Variants in AJAP1 observed in about 807,000 individuals in gnomAD.
AJAP1 encodes the protein adherens junctions associated protein 1, also known as adherens junction-associated protein 1.
A neutral mutation model predicts 35.0 loss-of-function variants in AJAP1; 5 were observed. The ratio of observed to expected loss-of-function variants is 0.14; its 90% confidence interval spans 0.07 to 0.30. The LOEUF (loss-of-function observed/expected upper bound fraction) is 0.30, where lower values mean the gene tolerates loss of function less well. AJAP1 is among the 10% of genes least tolerant of loss of function. The pLI is 1.00. For missense variants in AJAP1, 586 were observed against 571.0 expected (o/e 1.03, Z -0.27); for synonymous variants, 284 against 249.3 (o/e 1.14, Z -1.31).
In AJAP1 at chr1:4,782,624, G is replaced by A. The variant is rs1642087094; in HGVS notation, c.*139G>A. ...AAAACCTAAAACTGAGCTATCTAAG[G>A]GGGAGGGTCCCCGCACCTACCACTT... On this transcript the variant is annotated 3_prime_UTR_variant, in exon 6 of 6. Transcript: ENST00000378191. The surrounding 1 kb of genome is among the most constrained non-coding windows in gnomAD (Gnocchi z 5.3). 2.5e-6 allele frequency: 1 copy of A among 397,670 alleles called. No homozygotes were observed. Among genetic ancestry groups the A allele is most frequent in the African/African-American group, 2.1e-5 (1 of 48,628 alleles). 24.6% of individuals were successfully genotyped at this position (397,670 alleles called of 1,614,324 possible).
chr1:4,782,983 T>G lies in AJAP1; in HGVS notation c.*498T>G. On this transcript the variant is annotated 3_prime_UTR_variant, in exon 6 of 6. Coordinates refer to ENST00000378191, the MANE Select transcript of AJAP1 (RefSeq NM_018836.4). The surrounding 1 kb of genome is among the most constrained non-coding windows in gnomAD (Gnocchi z 5.3). ...TACAGAAAACAGGGGTGGGAATCTC[T>G]TCCGATAGAGTCGCTATTTCTGGTT... 1 of 396,324 alleles carries G rather than the reference T, an allele frequency of 2.5e-6. No homozygotes were observed. 24.6% of individuals were successfully genotyped at this position (396,324 alleles called of 1,614,324 possible).
At chr1:4,741,001 T>C (rs1641056060) in intron 2 of AJAP1, among the ~76,000 whole-genome samples, 1 of 152,038 alleles carries the variant, frequency 6.6e-6, no homozygotes, top group Non-Finnish European at 1.5e-5. Flanking sequence ...GCAGAGGAGC[T>C]GTCCGACTCT....
chr1:4,686,207 C>T (rs1256470290), intron 1 of AJAP1, among the ~76,000 whole-genome samples: 1 of 152,192 alleles, frequency 6.6e-6, no homozygotes, highest in Non-Finnish European at 1.5e-5. Flanking sequence ...CAAATAACCA[C>T]AACTGCGTTA....
At chr1:4,657,083 G>A (rs1252296964) in intron 1 of AJAP1, among the ~76,000 whole-genome samples, 2 of 152,176 alleles carry the variant, frequency 1.3e-5, no homozygotes, top group Non-Finnish European at 2.9e-5. Flanking sequence ...ATTCCTGATG[G>A]CAACTTATTT....
chr1:4,678,957 A>G (rs996440801), intron 1 of AJAP1, among the ~76,000 whole-genome samples: 3 of 152,234 alleles, frequency 2.0e-5, no homozygotes, highest in African/African-American at 7.2e-5. Flanking sequence ...CAGCTCAGAA[A>G]GACAATTCCC....
Position 4,789,605 on chromosome 1 carries a change from C to T in AJAP1, c.*7120C>T, listed in dbSNP as rs1478264485. Reference sequence around the variant, plus strand: ...GGCATAAGCAACTCACACTGGTTAGCTTTTGTCAGATTTCGTCGTTTCCGC... The same window carrying T: ...GGCATAAGCAACTCACACTGGTTAGTTTTTGTCAGATTTCGTCGTTTCCGC... On this transcript the variant is annotated 3_prime_UTR_variant, in exon 6 of 6. Transcript: ENST00000378191. This position sits in a 1 kb window ranked among gnomAD's most constrained non-coding sequence, Gnocchi z 4.4. 1 of 152,156 alleles carries T rather than the reference C, an allele frequency of 6.6e-6. No homozygotes were observed. The highest frequency in any genetic ancestry group is 1.5e-5 in the Non-Finnish European group (1 of 68,046). The allele number at this position is 152,156 out of a possible 1,614,324, so 9.4% of individuals were successfully genotyped here.
At chr1:4,757,143 A>T (rs574673908) in intron 2 of AJAP1, among the ~76,000 whole-genome samples, 121 of 152,338 alleles carry the variant, frequency 7.9e-4, no homozygotes, top group African/African-American at 2.7e-3. Context: ...TCTCTGTGTC[A>T]GTGGAGGCCG....
rs561752774 is a variant in AJAP1 at position 4,670,354 on chromosome 1, G to A, written c.29+14900G>A. ...GGGAGTGGATTAAAGCAATTGCCCC[G>A]GGATGAATCTTATTCTTGGTGCCTT... On this transcript the variant is annotated intron_variant, in intron 1 of 5. Transcript: ENST00000378191. Among the ~76,000 whole-genome samples, 123 of 152,316 alleles carry A rather than the reference G, an allele frequency of 8.1e-4. 1 individual carries two copies. The highest frequency in any genetic ancestry group is 1.5e-3 in the Non-Finnish European group (103 of 68,032).
intron 2 of AJAP1, among the ~76,000 whole-genome samples, chr1:4,751,739 TAC>T (rs1334525102): frequency 6.6e-6 from 1 of 152,240 alleles, no homozygotes; most frequent in Non-Finnish European, 1.5e-5. Flanking sequence ...TGTCCAGGAA[TAC>T]AGAGTGCAGT....
Position 4,693,100 on chromosome 1 carries a change from G to A in AJAP1, c.30-18800G>A, listed in dbSNP as rs1639780760. On this transcript the variant is annotated intron_variant, in intron 1 of 5. Transcript: ENST00000378191. The surrounding 1 kb of genome is among the most constrained non-coding windows in gnomAD (Gnocchi z 4.4). ...TGGAAGCCACCCTTCCCTCACCATG[G>A]CCCAGGGAGGTTGACAGGGCTGGAT... Among the ~76,000 whole-genome samples, 2 of 152,106 alleles carry A rather than the reference G, an allele frequency of 1.3e-5. No individual in the cohort carries two copies. Among genetic ancestry groups the A allele is most frequent in the African/African-American group, 4.8e-5 (2 of 41,416 alleles).
In AJAP1 at chr1:4,787,234, T is replaced by G; in HGVS notation, c.*4749T>G. On this transcript the variant is annotated 3_prime_UTR_variant, in exon 6 of 6. Coordinates refer to ENST00000378191, the MANE Select transcript of AJAP1 (RefSeq NM_018836.4). ...CTTTATATTCTACAGTGGGAGGAGG[T>G]GGATGGTTAATGTGAAAGCAAACCA... The G allele has an allele frequency of 6.3e-6, 1 of 158,368 alleles. No homozygotes were observed. 9.8% of individuals were successfully genotyped at this position (158,368 alleles called of 1,614,324 possible). A position where few individuals can be genotyped will look rare whatever the true frequency, so the allele number is the denominator to read the frequency against.
At chr1:4,659,805 A>T (rs1035011625) in intron 1 of AJAP1, among the ~76,000 whole-genome samples, 3 of 152,196 alleles carry the variant, frequency 2.0e-5, no homozygotes, top group Admixed American at 1.3e-4. Flanking sequence ...CAGGGACAGG[A>T]TGGAAGCACC....
At chr1:4,689,275 G>A (rs927191481) in intron 1 of AJAP1, among the ~76,000 whole-genome samples, 1 of 152,172 alleles carries the variant, frequency 6.6e-6, no homozygotes, top group Non-Finnish European at 1.5e-5. Context: ...TGATTAAGGC[G>A]GTTAAATTGT....
Position 4,734,272 on chromosome 1 carries a change from T to C in AJAP1, c.829+21573T>C, listed in dbSNP as rs1490915421. 6.6e-6 allele frequency among the ~76,000 whole-genome samples: 1 copy of C among 152,218 alleles called. No individual in the cohort carries two copies. The highest frequency in any genetic ancestry group is 1.5e-5 in the Non-Finnish European group (1 of 68,032). ...GAAGGGCCTGCCCTACTGAGCCTCC[T>C]GCCTCACTATTAACAGCGCTGCGTC... On this transcript the variant is annotated intron_variant, in intron 2 of 5. Transcript: ENST00000378191. This position sits in a 1 kb window ranked among gnomAD's most constrained non-coding sequence, Gnocchi z 4.3.
chr1:4,673,269 T>C (rs1639286047), intron 1 of AJAP1, among the ~76,000 whole-genome samples: 1 of 152,198 alleles, frequency 6.6e-6, no homozygotes, highest in African/African-American at 2.4e-5. Context: ...TATGCAGCAA[T>C]AGCTAACTAA....
intron 1 of AJAP1, among the ~76,000 whole-genome samples, chr1:4,662,836 C>G (rs1477911521): frequency 6.6e-6 from 1 of 152,264 alleles, no homozygotes; most frequent in South Asian, 2.1e-4. Context: ...TGTTTTGGTT[C>G]GATGGAGAAC....
In AJAP1 at chr1:4,664,423, T is replaced by G. The variant is rs183142535; in HGVS notation, c.29+8969T>G. Among the ~76,000 whole-genome samples, 96 of 152,174 alleles carry G rather than the reference T, an allele frequency of 6.3e-4. 2 individuals are homozygous for G. The East Asian group carries it at 0.014, about 22-fold the overall frequency. On this transcript the variant is annotated intron_variant, in intron 1 of 5. Coordinates refer to ENST00000378191, the MANE Select transcript of AJAP1 (RefSeq NM_018836.4). ...AAGGACATGCCTGGAGCTTCAAGCGTTCTGAGCCTGGTAGGGGGACAATGG... is the reference window on the plus strand; with the variant it reads ...AAGGACATGCCTGGAGCTTCAAGCGGTCTGAGCCTGGTAGGGGGACAATGG...
At chr1:4,691,831 G>A (rs1639746986) in intron 1 of AJAP1, among the ~76,000 whole-genome samples, 1 of 152,164 alleles carries the variant, frequency 6.6e-6, no homozygotes, top group South Asian at 2.1e-4. Context: ...ATGACCTGCA[G>A]ACCCAGGACC....
intron 1 of AJAP1, among the ~76,000 whole-genome samples, chr1:4,690,212 A>G (rs1329946613): frequency 2.6e-5 from 4 of 152,144 alleles, no homozygotes; most frequent in African/African-American, 7.2e-5. Flanking sequence ...CAGACCCTCC[A>G]GGAGGTTTGT....
Sources: allele counts gnomAD v4.1 joint callset (sites outside exome capture counted in the v4.1 genomes callset), GRCh38; gene constraint gnomAD v4.1.1; non-coding constraint Gnocchi (gnomAD v3.1); transcripts MANE v1.5; gene names NCBI Gene and HGNC (gene_info 2026-07-23, HGNC 2026-07-21).